The following PSPC1 variants were observed in gnomAD, a reference collection of about 807,000 sequenced individuals.
The protein encoded by PSPC1 is paraspeckle protein 1.
In PSPC1, 14 loss-of-function variants were observed where a neutral mutation model predicts 51.6. That is an observed-to-expected ratio of 0.27 (90% CI 0.18 to 0.42). The LOEUF (loss-of-function observed/expected upper bound fraction) is 0.42, where lower values mean the gene tolerates loss of function less well. Ranked by LOEUF, PSPC1 falls within the 10% of genes least tolerant of loss-of-function variation. The probability of loss-of-function intolerance (pLI) is 1.00; values close to 1 mark genes in which losing one functional copy is unlikely to be tolerated. For synonymous variants in PSPC1, 193 were observed against 231.9 expected (o/e 0.83, Z 1.53); for missense variants, 406 against 701.1 (o/e 0.58, Z 4.75).
intron 3 of PSPC1, among the ~76,000 whole-genome samples, chr13:19,754,274 C>T (rs1337434005): frequency 2.0e-5 from 3 of 151,050 alleles, no homozygotes; most frequent in East Asian, 2.0e-4. Flanking sequence ...TTAGTAGAGA[C>T]GGGGTTTCAC....
intron 3 of PSPC1, among the ~76,000 whole-genome samples, chr13:19,753,452 C>A (rs1303489257): frequency 2.0e-5 from 3 of 152,098 alleles, no homozygotes; most frequent in African/African-American, 7.2e-5. Flanking sequence ...GTTGCCCAGG[C>A]TGGTCTCAAA....
chr13:19,690,736 C>T (rs148401533), intron 6 of PSPC1, among the ~76,000 whole-genome samples: 3 of 152,274 alleles, frequency 2.0e-5, no homozygotes, highest in East Asian at 1.9e-4. Flanking sequence ...TTCCGCCAAC[C>T]TCATTCCACT....
intron 6 of PSPC1, among the ~76,000 whole-genome samples, chr13:19,689,665 C>T (rs1343739384): frequency 1.3e-5 from 2 of 152,154 alleles, no homozygotes; most frequent in Non-Finnish European, 2.9e-5. Flanking sequence ...TTCTTCCTAA[C>T]TTGTACTTAC....
intron 2 of PSPC1, among the ~76,000 whole-genome samples, chr13:19,763,719 G>A (rs114802457): frequency 0.012 from 1,795 of 152,242 alleles, 37 homozygotes; most frequent in African/African-American, 0.04. Context: ...AAGTGAACTC[G>A]GCCAGGCGTG....
chr13:19,747,475 G>T (rs1357989376), intron 4 of PSPC1, among the ~76,000 whole-genome samples: 1 of 151,844 alleles, frequency 6.6e-6, no homozygotes, highest in Non-Finnish European at 1.5e-5. Context: ...TGCAACTACA[G>T]ACACATGCCA....
At chr13:19,690,598 T>G (rs2137642029) in intron 6 of PSPC1, among the ~76,000 whole-genome samples, 1 of 152,320 alleles carries the variant, frequency 6.6e-6, no homozygotes, top group African/African-American at 2.4e-5. Flanking sequence ...TCCTCTGGTC[T>G]TCTTACTGCT....
intron 3 of PSPC1, among the ~76,000 whole-genome samples, chr13:19,752,922 T>A (rs531091631): frequency 6.6e-6 from 1 of 151,194 alleles, no homozygotes; most frequent in Admixed American, 6.6e-5. Context: ...TTGTTGGAGG[T>A]GTTGCTTTGG....
At chr13:19,698,650 A>ATAG (rs1227221871), downstream of PSPC1, among the ~76,000 whole-genome samples, 10 of 151,918 alleles carry the variant, frequency 6.6e-5, no homozygotes, top group African/African-American at 2.4e-4. Flanking sequence ...TACAAGCAGA[A>ATAG]TACCATCTCT....
intron 6 of PSPC1, among the ~76,000 whole-genome samples, chr13:19,684,431 C>G (rs983213449): frequency 3.3e-5 from 5 of 152,076 alleles, no homozygotes; most frequent in African/African-American, 4.8e-5. Flanking sequence ...CCAAGAATCC[C>G]ACTGTTACTT....
chr13:19,709,613 T>C lies in PSPC1; in HGVS notation c.1159-14A>G, dbSNP rs749183906. 10 of 1,592,386 alleles carry C rather than the reference T, an allele frequency of 6.3e-6. No individual in the cohort carries two copies. In the African/African-American group the frequency reaches 6.8e-5, roughly 11 times the overall value. On this transcript the variant is annotated splice_polypyrimidine_tract_variant and intron_variant, in intron 6 of 8. Transcript: ENST00000338910. ...TTCCTGTTCTCTCTGTAAGTAAACA[T>C]AGTTGTCACAGTCAACCTATCGATC... is the stretch of plus-strand genomic sequence containing the variant.
intron 6 of PSPC1, among the ~76,000 whole-genome samples, chr13:19,682,259 C>A (rs1565954595): frequency 1.3e-5 from 2 of 152,038 alleles, no homozygotes; most frequent in Admixed American, 6.6e-5. Flanking sequence ...AAGCAAAAAT[C>A]TGTAATATGA....
intron 7 of PSPC1, among the ~76,000 whole-genome samples, chr13:19,676,516 C>T (rs941614214): frequency 2.0e-5 from 3 of 152,062 alleles, no homozygotes; most frequent in Non-Finnish European, 4.4e-5. Flanking sequence ...CAGAATACAT[C>T]AGTGCATCTC....
At chr13:19,778,156 C>T (rs111248659) in intron 1 of PSPC1, among the ~76,000 whole-genome samples, 2 of 151,786 alleles carry the variant, frequency 1.3e-5, no homozygotes, top group East Asian at 1.9e-4. Context: ...GCAGGAGAAT[C>T]GCTTGAACCC....
chr13:19,759,273 T>C, intron 3 of PSPC1, 50 bp downstream of exon 3: 3 of 1,397,334 alleles, frequency 2.1e-6, no homozygotes, highest in Non-Finnish European at 3.0e-6. Context: ...ACAAATGTAA[T>C]GAACACCCTT....
At chr13:19,748,901 T>C (rs1384210723) in intron 4 of PSPC1, among the ~76,000 whole-genome samples, 1 of 152,052 alleles carries the variant, frequency 6.6e-6, no homozygotes, top group Non-Finnish European at 1.5e-5. Flanking sequence ...TCAAAACCAC[T>C]GGACTGGACA....
At chr13:19,698,618 G>A (rs913417658), downstream of PSPC1, among the ~76,000 whole-genome samples, 6 of 151,730 alleles carry the variant, frequency 4.0e-5, no homozygotes, top group Non-Finnish European at 8.8e-5. Flanking sequence ...CCACAAGACA[G>A]AACTGAAATT....
chr13:19,683,854 A>C (rs745813859), intron 6 of PSPC1, among the ~76,000 whole-genome samples: 51 of 152,150 alleles, frequency 3.4e-4, no homozygotes, highest in Non-Finnish European at 6.5e-4. Context: ...TTTTCCTCTT[A>C]AGATTATATG....
At chr13:19,733,936 G>C (rs915151031) in intron 5 of PSPC1, among the ~76,000 whole-genome samples, 5 of 152,144 alleles carry the variant, frequency 3.3e-5, no homozygotes, top group Admixed American at 2.0e-4. Context: ...CTGGGTGACA[G>C]AGTGAGATTC....
intron 4 of PSPC1, among the ~76,000 whole-genome samples, chr13:19,749,719 A>G (rs1312760101): frequency 6.7e-6 from 1 of 150,270 alleles, no homozygotes; most frequent in Non-Finnish European, 1.5e-5. Flanking sequence ...GCTTACCGCA[A>G]CCTCCACCTC....
Sources: gnomAD v4.1 joint callset for allele counts (sites outside exome capture counted in the v4.1 genomes callset) on GRCh38, gnomAD v4.1.1 for gene constraint, MANE v1.5 for transcripts, NCBI Gene and HGNC (gene_info 2026-07-23, HGNC 2026-07-21) for gene names.